The following CRPPA variants were observed in gnomAD, a reference collection of about 807,000 sequenced individuals.
CRPPA encodes D-ribitol-5-phosphate cytidylyltransferase.
A neutral mutation model predicts 52.0 loss-of-function variants in CRPPA; 43 were observed. The ratio of observed to expected loss-of-function variants is 0.83; its 90% confidence interval spans 0.65 to 1.07. CRPPA has a LOEUF of 1.07. Ranked by LOEUF, CRPPA falls within the 50% of genes least tolerant of loss-of-function variation. The pLI is 0.00. For missense variants in CRPPA, 629 were observed against 551.7 expected (o/e 1.14, Z -1.40); for synonymous variants, 250 against 203.5 (o/e 1.23, Z -1.94).
intron 3 of CRPPA, among the ~76,000 whole-genome samples, chr7:16,346,041 C>T (rs1201176625): frequency 1.3e-5 from 2 of 152,118 alleles, no homozygotes; most frequent in African/African-American, 2.4e-5. Flanking sequence ...CAAAATCAGA[C>T]ACACTGGAAA....
chr7:16,398,439 G>A (rs953498418), intron 2 of CRPPA, among the ~76,000 whole-genome samples: 2 of 152,010 alleles, frequency 1.3e-5, no homozygotes, highest in Non-Finnish European at 2.9e-5. Context: ...ACGTGACCGA[G>A]GTTTGTGACA....
chr7:16,377,968 G>A (rs1290745882), intron 2 of CRPPA, among the ~76,000 whole-genome samples: 1 of 151,968 alleles, frequency 6.6e-6, no homozygotes, highest in Non-Finnish European at 1.5e-5. Context: ...TTCATACCAG[G>A]GGAAATAAAA....
At chr7:16,320,752 T>G (rs1419265117) in intron 3 of CRPPA, among the ~76,000 whole-genome samples, 2 of 152,158 alleles carry the variant, frequency 1.3e-5, no homozygotes, top group Non-Finnish European at 2.9e-5. Context: ...CACCTAAAAC[T>G]CAAACTTAAG....
At chr7:16,323,430 T>A (rs1480571633) in intron 3 of CRPPA, among the ~76,000 whole-genome samples, 1 of 152,188 alleles carries the variant, frequency 6.6e-6, no homozygotes, top group African/African-American at 2.4e-5. Flanking sequence ...GTTGCAAATC[T>A]AGGCTCTAAG....
chr7:16,332,531 TAA>T (rs985117950), intron 3 of CRPPA, among the ~76,000 whole-genome samples: 1 of 152,158 alleles, frequency 6.6e-6, no homozygotes, highest in Admixed American at 6.5e-5. Context: ...CAGGGAATGA[TAA>T]AGACTATTTT....
At chr7:16,207,525 T>G (rs1027502653) in intron 9 of CRPPA, among the ~76,000 whole-genome samples, 1 of 152,190 alleles carries the variant, frequency 6.6e-6, no homozygotes, top group Admixed American at 6.6e-5. Context: ...TAGTGTTGCA[T>G]AAAGTGAAAA....
intron 8 of CRPPA, among the ~76,000 whole-genome samples, chr7:16,218,937 C>G (rs1298858586): frequency 6.6e-6 from 1 of 152,058 alleles, no homozygotes; most frequent in African/African-American, 2.4e-5. Flanking sequence ...CTGCACCAAG[C>G]AGACCTAATA....
chr7:16,366,797 A>G (rs965768504), intron 3 of CRPPA, among the ~76,000 whole-genome samples: 1 of 120,906 alleles, frequency 8.3e-6, no homozygotes, highest in Non-Finnish European at 1.8e-5. Context: ...GAGAAAAATA[A>G]AAAAAAAAAA....
In CRPPA at chr7:16,089,478, T is replaced by C; in HGVS notation, c.*2217A>G. On this transcript the variant is annotated 3_prime_UTR_variant, in exon 10 of 10. Coordinates refer to ENST00000407010, the MANE Select transcript of CRPPA (RefSeq NM_001101426.4). ...ATATATGTGTATATATGTACGTACA[T>C]ATATACGGGTATATATGTACGTACA... 3.2e-6 allele frequency: 1 copy of C among 312,486 alleles called. No individual in the cohort carries two copies. Among genetic ancestry groups the C allele is most frequent in the Non-Finnish European group, 7.0e-6 (1 of 142,540 alleles). 19.4% of individuals were successfully genotyped at this position (312,486 alleles called of 1,614,324 possible). A position where few individuals can be genotyped will look rare whatever the true frequency, so the allele number is the denominator to read the frequency against.
At chr7:16,293,045 G>T (rs761650767) in intron 5 of CRPPA, among the ~76,000 whole-genome samples, 42 of 151,882 alleles carry the variant, frequency 2.8e-4, no homozygotes, top group Non-Finnish European at 3.8e-4. Context: ...AAGGAGCAAG[G>T]AATATGCATA....
chr7:16,411,475 T>C lies in CRPPA; in HGVS notation c.258-5138A>G, dbSNP rs76286155. Among the ~76,000 whole-genome samples the C allele has an allele frequency of 2.0e-3, 302 of 152,116 alleles. 2 individuals carry two copies. The highest frequency in any genetic ancestry group is 7.0e-3 in the African/African-American group (291 of 41,498). The stretch of plus-strand genomic sequence containing the variant: ...TAGTCAAAAGCGCTCAAGTTTCTTA[T>C]AATTTCTTGTAACTCAGGCAGAAGT... On this transcript the variant is annotated intron_variant, in intron 1 of 9. Transcript: ENST00000407010.
At chr7:16,162,520 G>C (rs944725074) in intron 9 of CRPPA, among the ~76,000 whole-genome samples, 2 of 152,156 alleles carry the variant, frequency 1.3e-5, no homozygotes, top group Admixed American at 1.3e-4. Flanking sequence ...GTTCTAATTT[G>C]ATTGCACTGT....
At chr7:16,307,273 T>A (rs776890185) in intron 4 of CRPPA, among the ~76,000 whole-genome samples, 6 of 152,210 alleles carry the variant, frequency 3.9e-5, no homozygotes, top group Non-Finnish European at 8.8e-5. Context: ...CCAAATGTCC[T>A]GTTCAATTCA....
Position 16,097,335 on chromosome 7 carries a change from T to C in CRPPA, c.1252-5536A>G, listed in dbSNP as rs148518442. Among the ~76,000 whole-genome samples, 61 of 152,284 alleles carry C rather than the reference T, an allele frequency of 4.0e-4. 1 individual carries two copies. Among genetic ancestry groups the C allele is most frequent in the African/African-American group, 1.4e-3 (59 of 41,572 alleles). ...TCATAATAGCTGTGTTTTAAGACTA[T>C]TAGAAGACAAAAACGCAATATAATA... On this transcript the variant is annotated intron_variant, in intron 9 of 9. Transcript: ENST00000407010.
chr7:16,118,974 G>A (rs891040365), intron 9 of CRPPA, among the ~76,000 whole-genome samples: 59 of 151,994 alleles, frequency 3.9e-4, no homozygotes, highest in African/African-American at 1.3e-3. Flanking sequence ...ATAGGAGGAG[G>A]ATGAGGCTGC....
At chr7:16,368,774 C>A (rs768178646) in intron 3 of CRPPA, among the ~76,000 whole-genome samples, 23 of 152,160 alleles carry the variant, frequency 1.5e-4, no homozygotes, top group Middle Eastern at 3.4e-3. Flanking sequence ...GTAAAAATGA[C>A]CACACTTATA....
At chr7:16,348,470 T>G (rs1411569395) in intron 3 of CRPPA, among the ~76,000 whole-genome samples, 1 of 152,118 alleles carries the variant, frequency 6.6e-6, no homozygotes, top group Non-Finnish European at 1.5e-5. Flanking sequence ...TGCCTAATTT[T>G]TCACAGCTGC....
At chr7:16,111,807 C>T (rs553648006) in intron 9 of CRPPA, among the ~76,000 whole-genome samples, 11 of 152,154 alleles carry the variant, frequency 7.2e-5, no homozygotes, top group Non-Finnish European at 1.0e-4. Flanking sequence ...ATCTCAGACA[C>T]GAGAAATATG....
intron 9 of CRPPA, among the ~76,000 whole-genome samples, chr7:16,126,756 A>G (rs1439202754): frequency 6.6e-6 from 1 of 152,160 alleles, no homozygotes; most frequent in Non-Finnish European, 1.5e-5. Context: ...GAATACAGAC[A>G]AAAAGGAAGA....
Sources: allele counts gnomAD v4.1 joint callset (sites outside exome capture counted in the v4.1 genomes callset), GRCh38; gene constraint gnomAD v4.1.1; transcripts MANE v1.5; gene names NCBI Gene and HGNC (gene_info 2026-07-23, HGNC 2026-07-21).